WDR7: variants seen among roughly 807,000 people sequenced by gnomAD.
The protein encoded by WDR7 is WD repeat-containing protein 7.
Under a neutral mutation model 169.4 loss-of-function variants are expected in WDR7, and 46 were observed. The observed-to-expected ratio is 0.27, with a 90% CI of 0.21 to 0.35. WDR7 has a LOEUF of 0.35. WDR7 is among the 10% of genes least tolerant of loss of function. The probability of loss-of-function intolerance (pLI) is 1.00; values close to 1 mark genes in which losing one functional copy is unlikely to be tolerated. For missense variants in WDR7, 1,534 were observed against 1,859.3 expected, an observed-to-expected ratio of 0.83 and a Z score of 3.22; for synonymous variants, 612 against 666.8, an observed-to-expected ratio of 0.92 and a Z score of 1.27.
intron 19 of WDR7, among the ~76,000 whole-genome samples, chr18:56,807,654 T>C (rs1475293517): frequency 3.3e-5 from 5 of 150,222 alleles, no homozygotes; most frequent in African/African-American, 1.2e-4. Flanking sequence ...ATAATTACAT[T>C]TTATATGAGA....
intron 4 of WDR7, among the ~76,000 whole-genome samples, chr18:56,681,895 A>G (rs767354710): frequency 1.7e-4 from 26 of 152,216 alleles, no homozygotes; most frequent in Non-Finnish European, 3.4e-4. Context: ...TTACACAGGA[A>G]TTTGTAGTTT....
intron 12 of WDR7, among the ~76,000 whole-genome samples, chr18:56,700,565 CTTTTTT>C (rs71169389): frequency 0.74 from 86,104 of 116,028 alleles, 32,688 homozygotes; most frequent in East Asian, 0.93. Context: ...AATATTGTTT[CTTTTTT>C]TTTTTTTTTT....
intron 3 of WDR7, among the ~76,000 whole-genome samples, 196 bp from the exon 4 acceptor site, chr18:56,681,117 G>T (rs777268630): frequency 5.9e-5 from 9 of 152,152 alleles, no homozygotes; most frequent in Non-Finnish European, 1.2e-4. Flanking sequence ...ACTATGGTGG[G>T]GGGTGGGCAG....
At chr18:56,859,552 G>T (rs2045773056) in intron 20 of WDR7, among the ~76,000 whole-genome samples, 1 of 152,062 alleles carries the variant, frequency 6.6e-6, no homozygotes, top group African/African-American at 2.4e-5. Flanking sequence ...ATGTCTATGT[G>T]TTCGCCTTCC....
downstream of WDR7, chr18:57,031,438 CT>C (rs1269953679): frequency 1.3e-5 from 2 of 152,196 alleles, no homozygotes; most frequent in Admixed American, 6.5e-5. Context: ...GATATAGATT[CT>C]TTGCTTTCCT....
At chr18:56,964,670 G>A (rs558092158) in intron 26 of WDR7, among the ~76,000 whole-genome samples, 3 of 152,228 alleles carry the variant, frequency 2.0e-5, no homozygotes, top group African/African-American at 7.2e-5. Flanking sequence ...CTACAGGCAT[G>A]AGCCACTGCA....
Position 56,779,414 on chromosome 18 carries a change from T to G in WDR7, c.2948-17T>G. The G allele has an allele frequency of 6.3e-7, 1 of 1,584,174 alleles. No individual in the cohort carries two copies. Among genetic ancestry groups the G allele is most frequent in the Non-Finnish European group, 8.6e-7 (1 of 1,163,610 alleles). Reference sequence around the variant, plus strand: ...CAAAATGGTTAAAGAATTTGTAATATATTACATTTTTGACAGGTTGGAGTC... The same window carrying G: ...CAAAATGGTTAAAGAATTTGTAATAGATTACATTTTTGACAGGTTGGAGTC... On this transcript the variant is annotated splice_polypyrimidine_tract_variant and intron_variant, in intron 17 of 27. Coordinates refer to ENST00000254442, the MANE Select transcript of WDR7 (RefSeq NM_015285.3).
chr18:56,844,824 C>T (rs1442416947), intron 20 of WDR7, among the ~76,000 whole-genome samples: 1 of 152,150 alleles, frequency 6.6e-6, no homozygotes, highest in Non-Finnish European at 1.5e-5. Context: ...AGACTCTTTC[C>T]TGGTATAGTA....
chr18:56,689,306 GCTGGAGTGCAATGGTGCAAT>G (rs2025514237), intron 7 of WDR7, among the ~76,000 whole-genome samples: 1 of 152,130 alleles, frequency 6.6e-6, no homozygotes, highest in Non-Finnish European at 1.5e-5. Context: ...TGTCGCCCAG[GCTGGAGTGCAATGGTGCAAT>G]CTCGGCTCAC....
At chr18:56,672,890 A>G (rs1479811694) in intron 2 of WDR7, among the ~76,000 whole-genome samples, 2 of 152,136 alleles carry the variant, frequency 1.3e-5, no homozygotes, top group Admixed American at 6.5e-5. Flanking sequence ...ATCTACCCTA[A>G]GTGACTTACT....
At chr18:56,754,526 G>A (rs1297290998) in intron 14 of WDR7, among the ~76,000 whole-genome samples, 1 of 151,282 alleles carries the variant, frequency 6.6e-6, no homozygotes, top group Non-Finnish European at 1.5e-5. Flanking sequence ...ACCATAACTG[G>A]TGTGTGTGTG....
intron 22 of WDR7, 97 bp downstream of exon 22, chr18:56,924,205 T>A (rs1409556719): frequency 9.0e-6 from 12 of 1,334,874 alleles, no homozygotes; most frequent in Non-Finnish European, 1.2e-5. Context: ...ATTGTGCATG[T>A]TTAATAGATA....
At chr18:56,720,743 G>A (rs760679348) in intron 13 of WDR7, among the ~76,000 whole-genome samples, 42 of 152,162 alleles carry the variant, frequency 2.8e-4, no homozygotes, top group African/African-American at 5.8e-4. Flanking sequence ...TAACTGTAGG[G>A]GTACTGGAAG....
intron 20 of WDR7, among the ~76,000 whole-genome samples, chr18:56,847,092 T>A (rs2045579507): frequency 6.6e-6 from 1 of 152,114 alleles, no homozygotes. Flanking sequence ...ACTTTTTAAG[T>A]GGTTGTGACC....
chr18:57,033,061 A>G (rs887927065), downstream of WDR7: 1 of 151,936 alleles, frequency 6.6e-6, no homozygotes, highest in Non-Finnish European at 1.5e-5. Flanking sequence ...TTTGTATTCA[A>G]CCAGCAAGCT....
intron 21 of WDR7, among the ~76,000 whole-genome samples, chr18:56,892,289 C>G (rs1365034526): frequency 6.6e-6 from 1 of 152,126 alleles, no homozygotes; most frequent in Non-Finnish European, 1.5e-5. Context: ...GCCTATCTCA[C>G]TTTAATTGTT....
intron 19 of WDR7, among the ~76,000 whole-genome samples, chr18:56,787,148 G>A (rs546104324): frequency 6.6e-6 from 1 of 152,210 alleles, no homozygotes; most frequent in South Asian, 2.1e-4. Flanking sequence ...ATGAGGTCAA[G>A]CACCTGCTGG....
the WDR7 span, chr18:57,035,854 T>C: frequency 6.6e-6 from 1 of 152,224 alleles, no homozygotes; most frequent in African/African-American, 2.4e-5. Flanking sequence ...AGGGTATTGT[T>C]CATCTATACA....
At chr18:56,919,553 A>G (rs1305636854) in intron 21 of WDR7, among the ~76,000 whole-genome samples, 1 of 152,264 alleles carries the variant, frequency 6.6e-6, no homozygotes, top group East Asian at 1.9e-4. Context: ...GAGAAAGTGG[A>G]CTTGGGATTG....
Sources: gnomAD v4.1 joint callset for allele counts (sites outside exome capture counted in the v4.1 genomes callset) on GRCh38, gnomAD v4.1.1 for gene constraint, MANE v1.5 for transcripts, NCBI Gene and HGNC (gene_info 2026-07-23, HGNC 2026-07-21) for gene names.